The following ELAPOR1 variants were observed in gnomAD, a reference collection of about 807,000 sequenced individuals.
The protein encoded by ELAPOR1 is endosome-lysosome associated apoptosis and autophagy regulator 1.
Under a neutral mutation model 119.7 loss-of-function variants are expected in ELAPOR1, and 77 were observed. The ratio of observed to expected loss-of-function variants is 0.64; its 90% CI spans 0.54 to 0.78. The LOEUF (loss-of-function observed/expected upper bound fraction) is 0.78. Ranked by LOEUF, ELAPOR1 falls within the 30% of genes least tolerant of loss-of-function variation. The pLI is 0.00. For synonymous variants in ELAPOR1, 481 were observed against 487.2 expected (o/e 0.99, Z 0.17); for missense variants, 1,115 against 1,270.4 (o/e 0.88, Z 1.86).
chr1:109,165,762 T>TC (rs1408853785), intron 3 of ELAPOR1, among the ~76,000 whole-genome samples: 1 of 149,540 alleles, frequency 6.7e-6, no homozygotes, highest in African/African-American at 2.5e-5. Context: ...TTTTTTTTTT[T>TC]GAGACAGAGT....
At chr1:109,159,426 T>C (rs763552644) in intron 1 of ELAPOR1, among the ~76,000 whole-genome samples, 1 of 152,240 alleles carries the variant, frequency 6.6e-6, no homozygotes, top group Non-Finnish European at 1.5e-5. Context: ...ATTTGGCCCA[T>C]GTGCCTCTAA....
At position 109,198,625 on chromosome 1, in the gene ELAPOR1, G is replaced by C; in HGVS notation, c.2452G>C (p.Val818Leu). Residue 818 changes from valine to leucine, a missense_variant, in exon 18 of 22, where the codon GTC (valine) becomes CTC (leucine). By Grantham distance (32) the Val-to-Leu change is conservative (BLOSUM62 1). Transcript: ENST00000369939. ...TTCTGGGAGATCAACCACCATCCGC[G>C]TCAGGTGCAGTCCACAGAAAACTGT... The part of the protein sequence containing the change: ...CSSGRSTTIR[V>L]RCSPQKTVPG... The C allele has an allele frequency of 6.2e-7, 1 of 1,613,906 alleles. No homozygotes were observed. The highest frequency in any genetic ancestry group is 1.1e-5 in the South Asian group (1 of 90,944).
At chr1:109,184,855 G>C (rs1652949693) in intron 7 of ELAPOR1, among the ~76,000 whole-genome samples, 190 bp from the exon 8 acceptor site, 1 of 152,234 alleles carries the variant, frequency 6.6e-6, no homozygotes, top group African/African-American at 2.4e-5. Flanking sequence ...AGGGAAGCTT[G>C]AGCAGGGTTG....
At chr1:109,202,455 T>G (rs542260220) in intron 21 of ELAPOR1, among the ~76,000 whole-genome samples, 136 of 151,014 alleles carry the variant, frequency 9.0e-4, no homozygotes, top group African/African-American at 3.1e-3. Flanking sequence ...ATTTTTTTTT[T>G]TTTGAGACAG....
intron 1 of ELAPOR1, among the ~76,000 whole-genome samples, chr1:109,160,990 C>T (rs1055547588): frequency 6.6e-6 from 1 of 152,166 alleles, no homozygotes; most frequent in African/African-American, 2.4e-5. Flanking sequence ...ATGAGTTTCC[C>T]ATTGCACAGA....
chr1:109,189,329 C>T (rs1458197324), intron 10 of ELAPOR1, 135 bp downstream of exon 10: 7 of 1,149,268 alleles, frequency 6.1e-6, no homozygotes, highest in East Asian at 2.6e-5. Flanking sequence ...GAAAGTTCCA[C>T]TCCTCATGGA....
intron 1 of ELAPOR1, among the ~76,000 whole-genome samples, chr1:109,134,758 T>G (rs974005968): frequency 6.6e-6 from 1 of 152,158 alleles, no homozygotes; most frequent in Non-Finnish European, 1.5e-5. Flanking sequence ...GCCAGTCTTA[T>G]CCTAGAGAGG....
At chr1:109,132,139 T>C (rs573485892) in intron 1 of ELAPOR1, among the ~76,000 whole-genome samples, 1 of 152,304 alleles carries the variant, frequency 6.6e-6, no homozygotes, top group South Asian at 2.1e-4. Context: ...TCAAAATTTA[T>C]TGCAGACCAA....
intron 13 of ELAPOR1, 37 bp from the exon 14 acceptor site, chr1:109,192,574 G>A: frequency 6.2e-7 from 1 of 1,607,774 alleles, no homozygotes; most frequent in South Asian, 1.1e-5. Context: ...GCTGTCTCAG[G>A]CCTCTCCCCT....
intron 1 of ELAPOR1, among the ~76,000 whole-genome samples, chr1:109,154,348 T>A (rs1341893453): frequency 6.6e-6 from 1 of 150,952 alleles, no homozygotes; most frequent in Admixed American, 6.6e-5. Flanking sequence ...TCCATATCAG[T>A]ACCCGTACAA....
At position 109,185,041 on chromosome 1, in the gene ELAPOR1, T is replaced by G; in HGVS notation, c.953-4T>G. 1 of 1,612,988 alleles carries G rather than the reference T, an allele frequency of 6.2e-7. No individual in the cohort carries two copies. The highest frequency in any genetic ancestry group is 1.7e-5 in the Admixed American group (1 of 60,018). On this transcript the variant is annotated splice_polypyrimidine_tract_variant and splice_region_variant and intron_variant, in intron 7 of 21. Coordinates refer to ENST00000369939, the MANE Select transcript of ELAPOR1 (RefSeq NM_020775.5). ...AAATATTTCTTCTTGCTTTGGCAAT[T>G]TAGAGAAAGGATCTTCTTCCTGTAA...
At chr1:109,187,359 G>A in intron 8 of ELAPOR1, 1 of 985,532 alleles carries the variant, frequency 1.0e-6, no homozygotes, top group Non-Finnish European at 1.2e-6. Flanking sequence ...AGGGGAAGGA[G>A]GAGCCCAGGG....
chr1:109,119,181 G>A lies in ELAPOR1; in HGVS notation c.153+4845G>A, dbSNP rs144199492. On this transcript the variant is annotated intron_variant, in intron 1 of 21. Coordinates refer to ENST00000369939, the MANE Select transcript of ELAPOR1 (RefSeq NM_020775.5). ...CAAAGTGCTGGCATTACAGGAGTGA[G>A]CCACCACACCTGGCCTAATTTTTTT... Among the ~76,000 whole-genome samples, 107 of 151,234 alleles carry A rather than the reference G, an allele frequency of 7.1e-4. 1 individual carries two copies. The East Asian group carries it at 0.016, about 23-fold the overall frequency.
intron 20 of ELAPOR1, 100 bp from the exon 21 acceptor site, chr1:109,200,635 G>A (rs1235526876): frequency 8.9e-7 from 1 of 1,122,578 alleles, no homozygotes; most frequent in African/African-American, 1.6e-5. Context: ...CCTTACCCAT[G>A]GCATGGGAAT....
chr1:109,194,657 A>AATCCCAAATTATT, intron 15 of ELAPOR1, 63 bp downstream of exon 15: 1 of 1,497,056 alleles, frequency 6.7e-7, no homozygotes, highest in Non-Finnish European at 9.2e-7. Flanking sequence ...CAGAAGCCAG[A>AATCCCAAATTATT]GACAGACACA....
chr1:109,123,789 G>A (rs1648597738), intron 1 of ELAPOR1, among the ~76,000 whole-genome samples: 1 of 152,102 alleles, frequency 6.6e-6, no homozygotes, highest in African/African-American at 2.4e-5. Flanking sequence ...ACCTCTGTAT[G>A]TATGGATATA....
intron 1 of ELAPOR1, among the ~76,000 whole-genome samples, chr1:109,123,021 G>A (rs942676771): frequency 3.9e-5 from 6 of 152,202 alleles, no homozygotes; most frequent in African/African-American, 2.4e-5. Flanking sequence ...AGGACCCCTT[G>A]TTTAGCCCAC....
chr1:109,133,062 T>C (rs1649246848), intron 1 of ELAPOR1, among the ~76,000 whole-genome samples: 1 of 152,004 alleles, frequency 6.6e-6, no homozygotes, highest in Admixed American at 6.6e-5. Flanking sequence ...AAACCCTGTC[T>C]CTACAAAAAA....
At chr1:109,156,372 C>T (rs759674846) in intron 1 of ELAPOR1, among the ~76,000 whole-genome samples, 4 of 152,102 alleles carry the variant, frequency 2.6e-5, no homozygotes, top group Non-Finnish European at 4.4e-5. Context: ...TTTAAGTCTA[C>T]GGTTCAGTGG....
Sources: allele counts gnomAD v4.1 joint callset (sites outside exome capture counted in the v4.1 genomes callset), GRCh38; gene constraint gnomAD v4.1.1; transcripts MANE v1.5; gene names NCBI Gene and HGNC (gene_info 2026-07-23, HGNC 2026-07-21).